NOTCH2: variants seen among roughly 807,000 people sequenced by gnomAD.
NOTCH2 encodes the protein notch receptor 2.
Under a neutral mutation model 235.8 loss-of-function variants are expected in NOTCH2, and 29 were observed. The observed-to-expected ratio is 0.12, with a 90% confidence interval of 0.09 to 0.17. NOTCH2 has a LOEUF of 0.17. Among genes scored for constraint, NOTCH2 ranks in the 10% least tolerant of loss-of-function variants. NOTCH2 has a pLI of 1.00. For synonymous variants in NOTCH2, 1,086 were observed against 1,141.5 expected (o/e 0.95, Z 0.98); for missense variants, 2,285 against 3,150.2 (o/e 0.73, Z 6.57).
Position 120,067,774 on chromosome 1 carries a change from C to T in NOTCH2, c.73+1560G>A, listed in dbSNP as rs1347725155. Among the ~76,000 whole-genome samples, 6 of 152,322 alleles carry T rather than the reference C, an allele frequency of 3.9e-5. No individual in the cohort carries two copies. In the South Asian group the frequency reaches 6.2e-4, roughly 16 times the overall value. On this transcript the variant is annotated intron_variant, in intron 1 of 33. Transcript: ENST00000256646. The stretch of plus-strand genomic sequence containing the variant: ...TCTTTATTAAATGCTTCAGAAACAA[C>T]GGCTCTGCTTCATCACTACAAAGCC...
At chr1:119,962,786 A>G (rs1650985643) in intron 11 of NOTCH2, among the ~76,000 whole-genome samples, 1 of 152,210 alleles carries the variant, frequency 6.6e-6, no homozygotes, top group Admixed American at 6.5e-5. Context: ...TTTGATCTGG[A>G]ACATAGTACA....
intron 5 of NOTCH2, 114 bp downstream of exon 5, chr1:119,986,846 C>T: frequency 7.4e-7 from 1 of 1,354,260 alleles, no homozygotes; most frequent in Non-Finnish European, 1.0e-6. Context: ...GCTCAGTTCA[C>T]ATACTGGTTC....
Position 119,967,627 on chromosome 1 carries a change from A to C in NOTCH2, c.1265-6T>G, listed in dbSNP as rs1553199849. The C allele has an allele frequency of 8.1e-6, 13 of 1,613,670 alleles. No individual in the cohort carries two copies. The highest frequency in any genetic ancestry group is 1.3e-5 in the African/African-American group (1 of 74,934). On this transcript the variant is annotated splice_polypyrimidine_tract_variant and splice_region_variant and intron_variant, in intron 7 of 33. Transcript: ENST00000256646. ...CTCACAAGGATTGCTATTGGCTGAA[A>C]GACACAAGTACCAATTACTGGGATC... is the stretch of plus-strand genomic sequence containing the variant.
At chr1:120,064,352 G>A (rs1655422605) in intron 1 of NOTCH2, among the ~76,000 whole-genome samples, 1 of 150,758 alleles carries the variant, frequency 6.6e-6, no homozygotes, top group Non-Finnish European at 1.5e-5. Flanking sequence ...CAACAAAGAG[G>A]AAAATTTCAG....
intron 2 of NOTCH2, among the ~76,000 whole-genome samples, chr1:120,011,683 C>T (rs1396755850): frequency 1.3e-5 from 2 of 151,968 alleles, no homozygotes; most frequent in Non-Finnish European, 2.9e-5. Flanking sequence ...TTATAATCTC[C>T]ATTTTATATA....
Position 120,038,064 on chromosome 1 carries a change from T to C in NOTCH2, c.74-8077A>G, listed in dbSNP as rs1257242760. Among the ~76,000 whole-genome samples the C allele has an allele frequency of 6.6e-5, 10 of 152,282 alleles. No individual in the cohort carries two copies. The East Asian group carries it at 1.9e-3, about 29-fold the overall frequency. On this transcript the variant is annotated intron_variant, in intron 1 of 33. Coordinates refer to ENST00000256646, the MANE Select transcript of NOTCH2 (RefSeq NM_024408.4). ...ACTTATTGCAAAAAAAATTCATCAGTGTTTGCTGTGCTATATTGAAATCTA... is the reference window on the plus strand; with the variant it reads ...ACTTATTGCAAAAAAAATTCATCAGCGTTTGCTGTGCTATATTGAAATCTA...
intron 5 of NOTCH2, among the ~76,000 whole-genome samples, chr1:119,974,693 C>T (rs1651499196): frequency 6.6e-6 from 1 of 152,202 alleles, no homozygotes; most frequent in African/African-American, 2.4e-5. Flanking sequence ...CCACCTGAAA[C>T]ATTTTTTCCC....
intron 17 of NOTCH2, among the ~76,000 whole-genome samples, chr1:119,942,288 T>C (rs1228843535): frequency 6.6e-6 from 1 of 152,210 alleles, no homozygotes; most frequent in Non-Finnish European, 1.5e-5. Flanking sequence ...CTTGGAACAC[T>C]TTATACTCAT....
Position 119,948,541 on chromosome 1 carries a change from G to A in NOTCH2, c.2625C>T (p.Asp875=), listed in dbSNP as rs1190584858. 15 of 1,614,040 alleles carry A rather than the reference G, an allele frequency of 9.3e-6. No homozygotes were observed. Among genetic ancestry groups the A allele is most frequent in the Middle Eastern group, 1.6e-4 (1 of 6,084 alleles). ...TCATGCAGGGCTTGGAGATACACTC[G>A]TCAATGTCAATGGTACACCGCTGAC... ...WQGQRCTIDI[D]ECISKPCMNH... The change falls in exon 17 of 34, where the codon GAC becomes GAT. Residue 875 remains aspartate, a synonymous_variant. Coordinates refer to ENST00000256646, the MANE Select transcript of NOTCH2 (RefSeq NM_024408.4).
At chr1:120,043,862 G>A (rs1553213213) in intron 1 of NOTCH2, among the ~76,000 whole-genome samples, 1 of 138,874 alleles carries the variant, frequency 7.2e-6, no homozygotes. Context: ...TATTTCTCCA[G>A]GAAAAAAAAA....
intron 11 of NOTCH2, among the ~76,000 whole-genome samples, chr1:119,960,716 C>T (rs1207827761): frequency 2.0e-5 from 3 of 152,026 alleles, no homozygotes; most frequent in Admixed American, 1.3e-4. Context: ...ATCTGTCACC[C>T]AGACTGGAGA....
At chr1:119,961,032 G>A (rs1018295323) in intron 11 of NOTCH2, among the ~76,000 whole-genome samples, 2 of 152,072 alleles carry the variant, frequency 1.3e-5, no homozygotes, top group African/African-American at 2.4e-5. Context: ...AGCAAAGTAC[G>A]CTGCTTTGCC....
chr1:119,944,966 G>A (rs1307030112), intron 17 of NOTCH2, among the ~76,000 whole-genome samples: 3 of 151,912 alleles, frequency 2.0e-5, no homozygotes, highest in African/African-American at 4.8e-5. Flanking sequence ...AAATACGTAG[G>A]TAACTTAAAG....
rs372888673 is a variant in NOTCH2 at position 119,963,547 on chromosome 1, T to A, written c.1915+27A>T. 30 of 1,574,126 alleles carry A rather than the reference T, an allele frequency of 1.9e-5. No homozygotes were observed. In the African/African-American group the frequency reaches 4.0e-4, roughly 21 times the overall value. On this transcript the variant is annotated intron_variant, in intron 11 of 33. Transcript: ENST00000256646. ...GATTTGAGAAACAGTGAAAACCCCA[T>A]ACCAAACATAAACAGAGTGGGCTTA...
intron 17 of NOTCH2, among the ~76,000 whole-genome samples, chr1:119,946,701 T>C (rs1439881205): frequency 5.9e-5 from 9 of 152,038 alleles, no homozygotes; most frequent in Non-Finnish European, 1.0e-4. Context: ...TATGAAAACC[T>C]ATAGGTAACA....
Position 119,913,932 on chromosome 1 carries a change from C to T in NOTCH2, c.*1374G>A, listed in dbSNP as rs992340840. 4.3e-6 allele frequency: 1 copy of T among 232,868 alleles called. No homozygotes were observed. Among genetic ancestry groups the T allele is most frequent in the African/African-American group, 2.2e-5 (1 of 45,314 alleles). The allele number at this position is 232,868 out of a possible 1,614,324, so 14.4% of individuals were successfully genotyped here. A position where few individuals can be genotyped will look rare whatever the true frequency, so the allele number is the denominator to read the frequency against. ...CAACTTTCCAATTCCTGCACTTGAA[C>T]ATATAAAGTCCATGTCTTCAGTGAG... On this transcript the variant is annotated 3_prime_UTR_variant, in exon 34 of 34. Coordinates refer to ENST00000256646, the MANE Select transcript of NOTCH2 (RefSeq NM_024408.4).
intron 9 of NOTCH2, 105 bp from the exon 10 acceptor site, chr1:119,965,671 T>TA: frequency 1.2e-6 from 1 of 838,104 alleles, no homozygotes; most frequent in South Asian, 1.3e-5. Context: ...AATGGGTCAA[T>TA]AAGCCTATGC....
intron 5 of NOTCH2, 63 bp from the exon 6 acceptor site, chr1:119,969,807 G>T: frequency 7.3e-7 from 1 of 1,368,932 alleles, no homozygotes; most frequent in Non-Finnish European, 1.0e-6. Context: ...TACCATACCA[G>T]CCCCCCACAC....
chr1:119,955,115 G>A lies in NOTCH2; in HGVS notation c.2144C>T (p.Pro715Leu), dbSNP rs782796803. The stretch of plus-strand genomic sequence containing the variant: ...TTCGTTCACCTGTGAGTAGCAGCTG[G>A]GGTGATGGGGTCCCTCGGGGCATAT... Reference protein sequence around the residue: ...RCICPEGPHHPSCYSQVNECL... With the variant: ...RCICPEGPHHLSCYSQVNECL... Residue 715 changes from proline to leucine, a missense_variant, in exon 13 of 34, where the codon CCC becomes CTC. By Grantham distance (98) the Pro-to-Leu change is moderately conservative. Around this residue, in one of 6 missense-constraint regions of NOTCH2, gnomAD observed 1,173 missense variants for 1,515.3 expected, o/e 0.77. Transcript: ENST00000256646. 3.1e-6 allele frequency: 5 copies of A among 1,614,116 alleles called. No individual in the cohort carries two copies. In the South Asian group the frequency reaches 5.5e-5, roughly 18 times the overall value.
Sources: gnomAD v4.1 joint callset for allele counts (sites outside exome capture counted in the v4.1 genomes callset) on GRCh38, gnomAD v4.1.1 for gene constraint, gnomAD v4.1.1 regional missense constraint, MANE v1.5 for transcripts, NCBI Gene and HGNC (gene_info 2026-07-23, HGNC 2026-07-21) for gene names.